The following TENM4 variants were observed in gnomAD, a reference collection of about 807,000 sequenced individuals.
TENM4 encodes teneurin transmembrane protein 4.
A neutral mutation model predicts 243.3 loss-of-function variants in TENM4; 82 were observed. The observed-to-expected ratio is 0.34, with a 90% confidence interval of 0.28 to 0.40. The LOEUF is 0.40. TENM4 is among the 10% of genes least tolerant of loss of function. The pLI, the probability that TENM4 is intolerant of heterozygous loss-of-function variation, is 1.00. For synonymous variants in TENM4, 1,412 were observed against 1,456.3 expected (o/e 0.97, Z 0.69); for missense variants, 3,138 against 3,673.3 (o/e 0.85, Z 3.77).
At chr11:79,169,001 T>A (rs2135111000) in intron 3 of TENM4, among the ~76,000 whole-genome samples, 1 of 152,290 alleles carries the variant, frequency 6.6e-6, no homozygotes, top group Non-Finnish European at 1.5e-5. Context: ...CTTCAGCTGA[T>A]CCACCAGCTG....
chr11:78,811,595 C>CAT (rs1857503641), intron 14 of TENM4, among the ~76,000 whole-genome samples: 1 of 151,930 alleles, frequency 6.6e-6, no homozygotes, highest in Non-Finnish European at 1.5e-5. Context: ...CACACACACA[C>CAT]ACACACACGA....
chr11:78,958,427 T>C (rs1301836790), intron 6 of TENM4, among the ~76,000 whole-genome samples: 1 of 152,242 alleles, frequency 6.6e-6, no homozygotes, highest in Non-Finnish European at 1.5e-5. Context: ...CAACTGTGAC[T>C]AGTTGATATT....
intron 1 of TENM4, among the ~76,000 whole-genome samples, chr11:79,306,405 T>C (rs1432299169): frequency 6.6e-6 from 1 of 152,046 alleles, no homozygotes; most frequent in Admixed American, 6.6e-5. Context: ...AGAAGGCCCT[T>C]GATAGTCAAA....
intron 6 of TENM4, among the ~76,000 whole-genome samples, chr11:78,982,576 A>G (rs1041595197): frequency 3.3e-5 from 5 of 152,068 alleles, no homozygotes; most frequent in East Asian, 1.9e-4. Context: ...CACACCCCCA[A>G]TAGGCCCTGT....
intron 3 of TENM4, among the ~76,000 whole-genome samples, chr11:79,152,351 C>G (rs1406571790): frequency 1.3e-5 from 2 of 152,156 alleles, no homozygotes; most frequent in Admixed American, 6.5e-5. Context: ...CTTTCTTTTA[C>G]AGAGGAGAAC....
intron 6 of TENM4, among the ~76,000 whole-genome samples, chr11:79,021,195 G>T (rs1858917601): frequency 6.6e-6 from 1 of 152,150 alleles, no homozygotes; most frequent in South Asian, 2.1e-4. Context: ...AACTAAACTT[G>T]AGGGTTTCTA....
chr11:79,418,128 A>G (rs1467644156), intron 1 of TENM4, among the ~76,000 whole-genome samples: 3 of 95,040 alleles, frequency 3.2e-5, no homozygotes, highest in Non-Finnish European at 7.0e-5. Context: ...ATAATAAGTA[A>G]CATAAATTAT....
At chr11:79,401,131 G>A (rs1343325414) in intron 1 of TENM4, among the ~76,000 whole-genome samples, 2 of 152,208 alleles carry the variant, frequency 1.3e-5, no homozygotes, top group South Asian at 2.1e-4. Context: ...AGGGATCCAT[G>A]GAGGTATAAC....
intron 1 of TENM4, among the ~76,000 whole-genome samples, chr11:79,329,081 A>T (rs1857019996): frequency 6.6e-6 from 1 of 152,224 alleles, no homozygotes; most frequent in Admixed American, 6.5e-5. Context: ...ATTCAGAAGC[A>T]GCTAAGCTGT....
intron 2 of TENM4, among the ~76,000 whole-genome samples, chr11:79,285,427 C>T (rs1427175607): frequency 6.6e-6 from 1 of 152,096 alleles, no homozygotes; most frequent in African/African-American, 2.4e-5. Flanking sequence ...AATGGCGTAG[C>T]TATATTTGAA....
chr11:79,066,427 T>C (rs1199564269), intron 5 of TENM4, among the ~76,000 whole-genome samples: 1 of 151,806 alleles, frequency 6.6e-6, no homozygotes, highest in African/African-American at 2.4e-5. Context: ...CTTATTATAA[T>C]GGTGTGTCTC....
chr11:78,899,571 G>GGGGGGGA (rs1565430077), intron 7 of TENM4, among the ~76,000 whole-genome samples: 1 of 79,418 alleles, frequency 1.3e-5, no homozygotes, highest in African/African-American at 4.2e-5. Flanking sequence ...GGGGGGGGGG[G>GGGGGGGA]AAAAAGAAAA....
chr11:79,223,035 A>T (rs1172998718), intron 2 of TENM4, among the ~76,000 whole-genome samples: 14 of 152,012 alleles, frequency 9.2e-5, no homozygotes, highest in Admixed American at 9.2e-4. Flanking sequence ...GCATGTGGGG[A>T]TTAATAACTA....
chr11:79,402,734 A>T (rs1226457150), intron 1 of TENM4, among the ~76,000 whole-genome samples: 1 of 152,194 alleles, frequency 6.6e-6, no homozygotes, highest in African/African-American at 2.4e-5. Context: ...AGATTTCATC[A>T]GTTCCCCCAT....
rs113712805 is a variant in TENM4, at chr11:78,694,331, A to T, written c.5088-6105T>A. 8.1e-3 allele frequency among the ~76,000 whole-genome samples: 1,228 copies of T among 152,346 alleles called. 17 individuals carry two copies. Among genetic ancestry groups the T allele is most frequent in the African/African-American group, 0.028 (1,148 of 41,586 alleles). On this transcript the variant is annotated intron_variant, in intron 28 of 33. Coordinates refer to ENST00000278550, the MANE Select transcript of TENM4 (RefSeq NM_001098816.3). Reference sequence around the variant, plus strand: ...TAATTATGGTTCCTGGCCCAGGCACACCAATAGTTCCCCTGGCCCATGTCA... The same window carrying T: ...TAATTATGGTTCCTGGCCCAGGCACTCCAATAGTTCCCCTGGCCCATGTCA...
intron 6 of TENM4, among the ~76,000 whole-genome samples, chr11:78,971,364 G>A (rs1165954460): frequency 3.3e-5 from 5 of 152,024 alleles, no homozygotes; most frequent in East Asian, 1.9e-4. Flanking sequence ...GTGCAGTGGC[G>A]CAATCTCGGC....
chr11:78,976,772 T>G (rs1857666559), intron 6 of TENM4, among the ~76,000 whole-genome samples: 2 of 152,204 alleles, frequency 1.3e-5, no homozygotes, highest in Admixed American at 1.3e-4. Context: ...TCAGGCAGCT[T>G]TAGGTCCAAA....
chr11:79,136,987 A>T (rs913715280), intron 4 of TENM4, among the ~76,000 whole-genome samples: 1 of 152,090 alleles, frequency 6.6e-6, no homozygotes, highest in East Asian at 1.9e-4. Context: ...ATCAGCATCC[A>T]ATCTATGGCA....
chr11:78,687,790 G>A (rs1477450126), intron 29 of TENM4, among the ~76,000 whole-genome samples: 2 of 152,138 alleles, frequency 1.3e-5, no homozygotes, highest in Non-Finnish European at 2.9e-5. Context: ...GAATAGCGAG[G>A]TCACCTGGAT....
Sources: gnomAD v4.1 joint callset for allele counts (sites outside exome capture counted in the v4.1 genomes callset) on GRCh38, gnomAD v4.1.1 for gene constraint, MANE v1.5 for transcripts, NCBI Gene and HGNC (gene_info 2026-07-23, HGNC 2026-07-21) for gene names.